Variants in EPM2A observed in about 807,000 individuals in gnomAD.
EPM2A encodes the protein EPM2A glucan phosphatase, laforin, also known as laforin.
EPM2A carries 21 observed loss-of-function variants against 26.5 expected under a neutral mutation model. The observed-to-expected ratio is 0.79, with a 90% CI of 0.56 to 1.14. The LOEUF (loss-of-function observed/expected upper bound fraction) is 1.14. Among genes scored for constraint, EPM2A ranks in the 50% most tolerant of loss-of-function variants. The probability of loss-of-function intolerance (pLI) is 0.00; values close to 1 mark genes in which losing one functional copy is unlikely to be tolerated. For missense variants in EPM2A, 458 were observed against 440.8 expected, an observed-to-expected ratio of 1.04 and a Z score of -0.35; for synonymous variants, 217 against 177.6, an observed-to-expected ratio of 1.22 and a Z score of -1.76.
rs1267823100 is a variant in EPM2A at position 145,649,106 on chromosome 6, T to C, written c.477-13620A>G. 3.3e-5 allele frequency among the ~76,000 whole-genome samples: 5 copies of C among 152,310 alleles called. No individual in the cohort carries two copies. The South Asian group carries it at 6.2e-4, about 19-fold the overall frequency. On this transcript the variant is annotated intron_variant, in intron 2 of 3. Coordinates refer to ENST00000367519, the MANE Select transcript of EPM2A (RefSeq NM_005670.4). Reference sequence around the variant, plus strand: ...CTCTCGTGGCCTCTCTTTTCTAATGTGTACACTGAGAGAACTGGATTCAAT... The same window carrying C: ...CTCTCGTGGCCTCTCTTTTCTAATGCGTACACTGAGAGAACTGGATTCAAT...
At chr6:145,664,533 A>G in intron 2 of EPM2A, among the ~76,000 whole-genome samples, 2 of 145,380 alleles carry the variant, frequency 1.4e-5, no homozygotes, top group Non-Finnish European at 3.0e-5. Context: ...GTGACCTACA[A>G]AGAGACTTAG....
At chr6:145,647,096 T>C (rs1215034737) in intron 2 of EPM2A, among the ~76,000 whole-genome samples, 1 of 152,224 alleles carries the variant, frequency 6.6e-6, no homozygotes, top group African/African-American at 2.4e-5. Flanking sequence ...CCTTACACAC[T>C]GTCACTAGAG....
Position 145,696,695 on chromosome 6 carries a change from T to C in EPM2A, c.302-10399A>G, listed in dbSNP as rs537588653. Among the ~76,000 whole-genome samples the C allele has an allele frequency of 3.3e-5, 5 of 151,822 alleles. No individual in the cohort carries two copies. In the East Asian group the frequency reaches 9.7e-4, roughly 29 times the overall value. On this transcript the variant is annotated intron_variant, in intron 1 of 3. Coordinates refer to ENST00000367519, the MANE Select transcript of EPM2A (RefSeq NM_005670.4). ...AATATATTTGATAAGGAAGTTAGAA[T>C]TTGGAGGATCAGGAAAGAAAATATC...
At chr6:145,605,213 C>G (rs1175142530) in intron 2 of EPM2A, among the ~76,000 whole-genome samples, 5 of 152,070 alleles carry the variant, frequency 3.3e-5, no homozygotes, top group African/African-American at 1.2e-4. Flanking sequence ...TTAGAGTTTC[C>G]AACAGCAACA....
Position 145,626,843 on chromosome 6 carries a change from A to C in EPM2A, c.*573T>G. The C allele has an allele frequency of 1.0e-6, 1 of 988,524 alleles. No individual in the cohort carries two copies. The highest frequency in any genetic ancestry group is 1.2e-6 in the Non-Finnish European group (1 of 831,856). The allele number at this position is 988,524 out of a possible 1,614,324, so 61.2% of individuals were successfully genotyped here. Reference sequence around the variant, plus strand: ...CACAGGGTTGTTGGGTAGAGAAGGAAGGTGATGCCTTGGAACAGACTTTAA... The same window carrying C: ...CACAGGGTTGTTGGGTAGAGAAGGACGGTGATGCCTTGGAACAGACTTTAA... On this transcript the variant is annotated 3_prime_UTR_variant, in exon 4 of 4. Transcript: ENST00000367519.
downstream of EPM2A, among the ~76,000 whole-genome samples, chr6:145,498,509 T>G (rs1369266109): frequency 1.3e-5 from 2 of 152,176 alleles, no homozygotes; most frequent in Non-Finnish European, 2.9e-5. Context: ...AAGGCCCCAG[T>G]GGAGTGGGTT....
intron 2 of EPM2A, among the ~76,000 whole-genome samples, chr6:145,567,193 T>G (rs383841): frequency 0.36 from 54,246 of 152,052 alleles, 10,196 homozygotes; most frequent in South Asian, 0.51. Context: ...ACCCATTGGA[T>G]GGATCAATAC....
At chr6:145,492,473 G>C (rs1779768118) in intron 4 of EPM2A, among the ~76,000 whole-genome samples, 1 of 152,162 alleles carries the variant, frequency 6.6e-6, no homozygotes. Flanking sequence ...CTTTTCACAT[G>C]AGGTGGTTGT....
rs560162777 is a variant in EPM2A, at chr6:145,447,005, T to C, written c.555+55517A>G. Among the ~76,000 whole-genome samples, 4 of 152,280 alleles carry C rather than the reference T, an allele frequency of 2.6e-5. No individual in the cohort carries two copies. In the East Asian group the frequency reaches 7.7e-4, roughly 29 times the overall value. ...AGTTACTGTGTCATATTTTACATTA[T>C]GCTGCAGTAGTTTTCTCTAGAGTAT... On this transcript the variant is annotated intron_variant, in intron 4 of 4. Transcript: ENST00000638717.
intron 4 of EPM2A, among the ~76,000 whole-genome samples, chr6:145,441,940 C>T (rs1289185967): frequency 6.6e-6 from 1 of 152,162 alleles, no homozygotes; most frequent in South Asian, 2.1e-4. Flanking sequence ...GAATGCTTTG[C>T]TGCTTATAAA....
chr6:145,415,635 T>C (rs1778698180), intron 4 of EPM2A, among the ~76,000 whole-genome samples: 1 of 152,200 alleles, frequency 6.6e-6, no homozygotes, highest in Non-Finnish European at 1.5e-5. Flanking sequence ...ATGATGATAA[T>C]AATGTTAATA....
chr6:145,448,846 T>C (rs1779156938), intron 4 of EPM2A, among the ~76,000 whole-genome samples: 2 of 151,920 alleles, frequency 1.3e-5, no homozygotes, highest in African/African-American at 2.4e-5. Context: ...AAACAAAGTC[T>C]CTTCCTCTTT....
chr6:145,735,488 C>G lies in EPM2A; in HGVS notation c.11G>C (p.Arg4Pro). ...GGCGGGTGGCACCACCACCCCAAAG[C>G]GGAAGCGCATGGCGGGCGGCGGCGG... Reference protein sequence around the residue: MRFRFGVVVPPAVA... With the variant: MRFPFGVVVPPAVA... The change falls in exon 1 of 4, where the codon CGC becomes CCC. Residue 4 changes from arginine to proline, a missense_variant. Physicochemically the swap from Arg to Pro is moderately radical, Grantham distance 103 (BLOSUM62 -2). Coordinates refer to ENST00000367519, the MANE Select transcript of EPM2A (RefSeq NM_005670.4). The G allele has an allele frequency of 1.7e-6, 2 of 1,193,534 alleles. No homozygotes were observed. Among genetic ancestry groups the G allele is most frequent in the African/African-American group, 1.6e-5 (1 of 62,572 alleles). The allele number at this position is 1,193,534 out of a possible 1,614,324, so 73.9% of individuals were successfully genotyped here. A position where few individuals can be genotyped will look rare whatever the true frequency, so the allele number is the denominator to read the frequency against.
chr6:145,680,613 T>C (rs1001331301), intron 2 of EPM2A, among the ~76,000 whole-genome samples: 6 of 149,960 alleles, frequency 4.0e-5, no homozygotes, highest in Non-Finnish European at 8.9e-5. Flanking sequence ...CATTGTTCAA[T>C]TCCCACCTAT....
At chr6:145,529,816 C>T (rs561989014) in intron 2 of EPM2A, among the ~76,000 whole-genome samples, 11 of 152,230 alleles carry the variant, frequency 7.2e-5, no homozygotes, top group East Asian at 1.9e-4. Context: ...CTTCCTTTCC[C>T]GGTAACCAGA....
intron 1 of EPM2A, among the ~76,000 whole-genome samples, chr6:145,698,086 T>C (rs901137438): frequency 6.6e-6 from 1 of 152,208 alleles, no homozygotes; most frequent in South Asian, 2.1e-4. Flanking sequence ...GGGGAACTAA[T>C]AAATGTCCAT....
chr6:145,691,737 C>T (rs1296120512), intron 1 of EPM2A, among the ~76,000 whole-genome samples: 1 of 151,778 alleles, frequency 6.6e-6, no homozygotes, highest in Non-Finnish European at 1.5e-5. Context: ...ATATAATATA[C>T]ATAATGTATA....
intron 2 of EPM2A, among the ~76,000 whole-genome samples, chr6:145,610,139 G>C (rs1183953858): frequency 6.6e-6 from 1 of 151,924 alleles, no homozygotes; most frequent in Admixed American, 6.6e-5. Flanking sequence ...GCTTAAACCC[G>C]GGAGGAGGAG....
intron 1 of EPM2A, among the ~76,000 whole-genome samples, chr6:145,715,673 G>C (rs796841308): frequency 2.0e-5 from 3 of 152,206 alleles, no homozygotes; most frequent in African/African-American, 7.2e-5. Context: ...CGTCCTGTCA[G>C]ATCAGCAGCA....
Sources: gnomAD v4.1 joint callset for allele counts (sites outside exome capture counted in the v4.1 genomes callset) on GRCh38, gnomAD v4.1.1 for gene constraint, MANE v1.5 for transcripts, NCBI Gene and HGNC (gene_info 2026-07-23, HGNC 2026-07-21) for gene names.